Variants in EXPH5 observed in about 807,000 individuals in gnomAD.
EXPH5 encodes the protein exophilin 5, also known as exophilin-5.
EXPH5 carries 42 observed loss-of-function variants against 41.1 expected under a neutral mutation model. That is an observed-to-expected ratio of 1.02 (90% CI 0.80 to 1.32). EXPH5 has a LOEUF of 1.32. Ranked by LOEUF, EXPH5 falls within the 40% of genes most tolerant of loss-of-function variation. The pLI is 0.00. For missense variants in EXPH5, 2,298 were observed against 2,314.5 expected, an observed-to-expected ratio of 0.99 and a Z score of 0.15; for synonymous variants, 798 against 833.5, an observed-to-expected ratio of 0.96 and a Z score of 0.73.
chr11:108,586,368 T>C (rs966622512), intron 1 of EXPH5, among the ~76,000 whole-genome samples: 2 of 152,066 alleles, frequency 1.3e-5, no homozygotes, highest in Non-Finnish European at 2.9e-5. Flanking sequence ...CTTTAACAAA[T>C]AAAACGGTAG....
intron 3 of EXPH5, among the ~76,000 whole-genome samples, chr11:108,537,468 A>G (rs965799164): frequency 6.6e-6 from 1 of 152,228 alleles, no homozygotes; most frequent in Non-Finnish European, 1.5e-5. Context: ...TATTTAAATG[A>G]TGAAATTTAT....
chr11:108,600,452 T>C, the EXPH5 span, among the ~76,000 whole-genome samples: 685 of 152,150 alleles, frequency 4.5e-3, 5 homozygotes, highest in African/African-American at 0.015. Flanking sequence ...GAAAAAAAAA[T>C]GTTAACTGTT....
intron 4 of EXPH5, among the ~76,000 whole-genome samples, chr11:108,520,715 C>T (rs544805390): frequency 1.3e-4 from 19 of 151,642 alleles, no homozygotes; most frequent in African/African-American, 3.4e-4. Flanking sequence ...TACAGGCGCA[C>T]GCCACCATGC....
chr11:108,515,024 A>G, intron 5 of EXPH5, 149 bp from the exon 6 acceptor site: 1 of 455,402 alleles, frequency 2.2e-6, no homozygotes. Context: ...TTTTGATTAT[A>G]TTTTTAAGAT....
intron 1 of EXPH5, among the ~76,000 whole-genome samples, chr11:108,575,362 A>G (rs1328673840): frequency 6.6e-6 from 1 of 152,256 alleles, no homozygotes; most frequent in Non-Finnish European, 1.5e-5. Context: ...ATGAGAACTT[A>G]GAAAACATCT....
the EXPH5 span, among the ~76,000 whole-genome samples, chr11:108,603,199 A>G: frequency 2.0e-5 from 3 of 152,188 alleles, no homozygotes; most frequent in African/African-American, 7.2e-5. Context: ...ACCCAGTCTC[A>G]GGTAGTTCTT....
At position 108,510,141 on chromosome 11, in the gene EXPH5, G is replaced by C. The variant is rs769292348; in HGVS notation, c.5366C>G (p.Pro1789Arg). Reference protein sequence around the residue: ...SASSLEWEPEPHLYRSKSLKS... With the variant: ...SASSLEWEPERHLYRSKSLKS... ...TAAACTCTTTGAACGATAGAGGTGT[G>C]GCTCAGGTTCCCACTCCAGAGATGA... The change falls in exon 6 of 6, where the codon CCA becomes CGA. Residue 1789 changes from proline (P) to arginine (R), a missense_variant. Coordinates refer to ENST00000265843, the MANE Select transcript of EXPH5 (RefSeq NM_015065.3). 93 of 1,613,788 alleles carry C rather than the reference G, an allele frequency of 5.8e-5. No homozygotes were observed. Among genetic ancestry groups the C allele is most frequent in the Admixed American group, 4.2e-4 (25 of 59,996 alleles).
At chr11:108,553,615 C>G (rs951980139) in intron 1 of EXPH5, among the ~76,000 whole-genome samples, 3 of 152,186 alleles carry the variant, frequency 2.0e-5, no homozygotes, top group African/African-American at 7.2e-5. Context: ...GGTTGTGTCA[C>G]CAGGCTGTCA....
At position 108,506,402 on chromosome 11, in the gene EXPH5, G is replaced by C. The variant is rs1010213118; in HGVS notation, c.*3135C>G. 3.2e-4 allele frequency: 49 copies of C among 152,096 alleles called. No homozygotes were observed. The highest frequency in any genetic ancestry group is 1.1e-3 in the African/African-American group (44 of 41,402). The allele number at this position is 152,096 out of a possible 1,614,324, so 9.4% of individuals were successfully genotyped here. ...GTTACAAATAGAGCAACTGAACACT[G>C]GCCATCAATTACCTTTGAATTTAAA... On this transcript the variant is annotated 3_prime_UTR_variant, in exon 6 of 6. Coordinates refer to ENST00000265843, the MANE Select transcript of EXPH5 (RefSeq NM_015065.3).
intron 4 of EXPH5, among the ~76,000 whole-genome samples, chr11:108,520,624 A>G (rs781090700): frequency 2.3e-4 from 35 of 151,986 alleles, no homozygotes; most frequent in Non-Finnish European, 4.4e-4. Flanking sequence ...GCTGGAGTGC[A>G]GTGGCGCGAT....
intron 1 of EXPH5, among the ~76,000 whole-genome samples, chr11:108,546,827 T>A (rs928175598): frequency 5.3e-5 from 8 of 152,020 alleles, no homozygotes; most frequent in Middle Eastern, 3.4e-3. Context: ...TCTATTATTT[T>A]TTTTTTTTTC....
upstream of EXPH5, among the ~76,000 whole-genome samples, chr11:108,594,329 C>G (rs146513092): frequency 6.6e-6 from 1 of 152,088 alleles, no homozygotes; most frequent in South Asian, 2.1e-4. Context: ...ACAAACAAAA[C>G]CGTTTATGGT....
At chr11:108,596,789 T>C (rs1179308227), upstream of EXPH5, among the ~76,000 whole-genome samples, 1 of 152,180 alleles carries the variant, frequency 6.6e-6, no homozygotes, top group Admixed American at 6.5e-5. Flanking sequence ...TATTGAGAAA[T>C]TTTTATATTG....
At chr11:108,590,168 G>A (rs1386182948) in intron 1 of EXPH5, among the ~76,000 whole-genome samples, 2 of 152,078 alleles carry the variant, frequency 1.3e-5, no homozygotes, top group Non-Finnish European at 2.9e-5. Context: ...AACTTACAAC[G>A]TCACTAACAA....
rs1168235492 is a variant in EXPH5, at chr11:108,512,868, G to C, written c.2639C>G (p.Ser880Ter). Residue 880 changes from serine to a stop codon, truncating the protein, a stop_gained, in exon 6 of 6, where the codon TCA becomes TGA. Coordinates refer to ENST00000265843, the MANE Select transcript of EXPH5 (RefSeq NM_015065.3). LOFTEE classifies it low-confidence loss of function (END_TRUNC). Reference sequence around the variant, plus strand: ...TGAGGAATCTGGTAGTGCAGCTGATGACAGATCTAAAGAATCACACGAGGT... The same window carrying C: ...TGAGGAATCTGGTAGTGCAGCTGATCACAGATCTAAAGAATCACACGAGGT... The part of the protein sequence containing the change: ...HKTSCDSLDL[S>*]SAALPDSSPS... 1.9e-6 allele frequency: 3 copies of C among 1,614,106 alleles called. No homozygotes were observed. Among genetic ancestry groups the C allele is most frequent in the Non-Finnish European group, 2.5e-6 (3 of 1,179,958 alleles).
chr11:108,558,614 G>A (rs996288462), intron 1 of EXPH5, among the ~76,000 whole-genome samples: 1 of 152,168 alleles, frequency 6.6e-6, no homozygotes. Flanking sequence ...TGTTGCTCCT[G>A]TCTGGATCCA....
At position 108,511,478 on chromosome 11, in the gene EXPH5, T is replaced by C. The variant is rs780464588; in HGVS notation, c.4029A>G (p.Thr1343=). 3 of 1,584,134 alleles carry C rather than the reference T, an allele frequency of 1.9e-6. No homozygotes were observed. Among genetic ancestry groups the C allele is most frequent in the African/African-American group, 1.4e-5 (1 of 73,354 alleles). ...CCTCAACAGAAGCCATTTCCTGTAA[T>C]GTAGGAGCTAGGGGCCCCCTATTTG... is the stretch of plus-strand genomic sequence containing the variant. ...RLSNRGPLAP[T]LQEMASVEAA... is the part of the protein sequence containing the mutation. The change falls in exon 6 of 6, where the codon ACA becomes ACG. Residue 1343 remains threonine (T), a synonymous_variant. Coordinates refer to ENST00000265843, the MANE Select transcript of EXPH5 (RefSeq NM_015065.3).
upstream of EXPH5, among the ~76,000 whole-genome samples, chr11:108,594,003 T>C (rs950315704): frequency 1.3e-5 from 2 of 152,192 alleles, no homozygotes; most frequent in Non-Finnish European, 2.9e-5. Flanking sequence ...GCTGTTGCTG[T>C]TTGCTCGCAG....
Position 108,512,402 on chromosome 11 carries a change from C to A in EXPH5, c.3105G>T (p.Gln1035His), listed in dbSNP as rs199592015. The A allele has an allele frequency of 4.2e-5, 68 of 1,609,796 alleles. No individual in the cohort carries two copies. The highest frequency in any genetic ancestry group is 1.7e-4 in the Middle Eastern group (1 of 6,056). ...KSSSFLIHGR[Q>H]SGSKIMAASL... is the part of the protein sequence containing the mutation. ...AAGCAGCCATTATTTTACTTCCTGA[C>A]TGCCTGCCATGTATGAGAAAACTGC... is the stretch of plus-strand genomic sequence containing the variant. The change falls in exon 6 of 6, where the codon CAG becomes CAT. Residue 1035 changes from glutamine to histidine, a missense_variant. Coordinates refer to ENST00000265843, the MANE Select transcript of EXPH5 (RefSeq NM_015065.3).
Sources: allele counts gnomAD v4.1 joint callset (sites outside exome capture counted in the v4.1 genomes callset), GRCh38; gene constraint gnomAD v4.1.1; transcripts MANE v1.5; gene names NCBI Gene and HGNC (gene_info 2026-07-23, HGNC 2026-07-21).